Variants in FLII observed in about 807,000 individuals in gnomAD.
FLII encodes the protein protein flightless-1 homolog.
Under a neutral mutation model 156.2 loss-of-function variants are expected in FLII, and 101 were observed. The ratio of observed to expected loss-of-function variants is 0.65; its 90% CI spans 0.55 to 0.76. The LOEUF (loss-of-function observed/expected upper bound fraction) is 0.76, where lower values mean the gene tolerates loss of function less well. Ranked by LOEUF, FLII falls within the 30% of genes least tolerant of loss-of-function variation. The pLI, the probability that FLII is intolerant of heterozygous loss-of-function variation, is 0.00. For synonymous variants in FLII, 767 were observed against 685.8 expected, an observed-to-expected ratio of 1.12 and a Z score of -1.85; for missense variants, 1,675 against 1,682.8, an observed-to-expected ratio of 1.00 and a Z score of 0.08.
At chr17:18,253,507 C>G (rs747180526) in intron 8 of FLII, 37 bp downstream of exon 8, 6 of 1,613,132 alleles carry the variant, frequency 3.7e-6, no homozygotes, top group Non-Finnish European at 5.1e-6. Flanking sequence ...GGCTCACGGC[C>G]TTCCTCCCAT....
rs1441073305 is a variant in FLII, at chr17:18,247,213, T to C, written c.2632A>G (p.Thr878Ala). The C allele has an allele frequency of 1.9e-6, 3 of 1,575,440 alleles. No individual in the cohort carries two copies. The Admixed American group carries it at 5.3e-5, about 28-fold the overall frequency. The change falls in exon 21 of 30, where the codon ACT (threonine) becomes GCT (alanine). Residue 878 changes from threonine to alanine, a missense_variant. Thr to Ala is a moderately conservative substitution (Grantham distance 58). Transcript: ENST00000327031. ...GGCTGCCGCGGCAGGAAAAGCGCAG[T>C]GAGGTCAGCCTTCATCTGGTCTTTC... ...EKKDQMKADL[T>A]ALFLPRQPPM...
rs1252014461 is a variant in FLII, at chr17:18,251,293, T to C, written c.1568A>G (p.Tyr523Cys). 9 of 1,613,896 alleles carry C rather than the reference T, an allele frequency of 5.6e-6. No homozygotes were observed. Among genetic ancestry groups the C allele is most frequent in the Non-Finnish European group, 7.6e-6 (9 of 1,180,036 alleles). ...GAGCACAATGTAGCAGTCAGCCTCG[T>C]AGAACTTGCCGTGGAAGGCTTCCTC... ...LVEEAFHGKFYEADCYIVLKT... is the reference protein window; with the variant it reads ...LVEEAFHGKFCEADCYIVLKT... Residue 523 changes from tyrosine to cysteine, a missense_variant, in exon 13 of 30, where the codon TAC becomes TGC. By Grantham distance (194) the Tyr-to-Cys change is radical (BLOSUM62 -2). Coordinates refer to ENST00000327031, the MANE Select transcript of FLII (RefSeq NM_002018.4).
intron 9 of FLII, 73 bp downstream of exon 9, chr17:18,253,228 G>T: frequency 6.7e-7 from 1 of 1,501,140 alleles, no homozygotes; most frequent in Non-Finnish European, 9.2e-7. Flanking sequence ...CAGACCACAA[G>T]GTGGGCTCTG....
rs1380529072 is a variant in FLII at position 18,251,016 on chromosome 17, G to C, written c.1598C>G (p.Thr533Ser). Residue 533 changes from threonine to serine, a missense_variant and splice_region_variant, in exon 14 of 30, where the codon ACC becomes AGC. Coordinates refer to ENST00000327031, the MANE Select transcript of FLII (RefSeq NM_002018.4). ...YEADCYIVLK[T>S]FLDDSGSLNW... The stretch of plus-strand genomic sequence containing the variant: ...GAGGGAGCCGCTGTCATCCAGAAAG[G>C]TCTGGAAGCCAAGGCACCGGCCACA... 3 of 1,612,582 alleles carry C rather than the reference G, an allele frequency of 1.9e-6. No individual in the cohort carries two copies. Among genetic ancestry groups the C allele is most frequent in the Non-Finnish European group, 2.5e-6 (3 of 1,179,356 alleles).
chr17:18,252,182 T>G, intron 10 of FLII, 36 bp from the exon 11 acceptor site: 1 of 1,578,456 alleles, frequency 6.3e-7, no homozygotes, highest in Non-Finnish European at 8.7e-7. Context: ...GCACTGAGCC[T>G]GGGTCCTACC....
intron 3 of FLII, 24 bp from the exon 4 acceptor site, chr17:18,255,287 A>C: frequency 6.3e-7 from 1 of 1,596,132 alleles, no homozygotes; most frequent in South Asian, 1.1e-5. Flanking sequence ...ATAAGAGTCT[A>C]TAATTCCTGG....
At chr17:18,249,732 G>C (rs1206448999) in intron 14 of FLII, among the ~76,000 whole-genome samples, 1 of 152,050 alleles carries the variant, frequency 6.6e-6, no homozygotes, top group Non-Finnish European at 1.5e-5. Flanking sequence ...GGAGGTTGCA[G>C]TGAGCTGAGA....
Position 18,249,165 on chromosome 17 carries a change from C to T in FLII, c.1896G>A (p.Leu632=). The part of the protein sequence containing the change: ...YRVYGKKNIK[L]EPVPLKGTSL... ...AGGTCCCCTTGAGGGGCACAGGCTC[C>T]AACTTGATGTTCTTTTTCCCATACA... The change falls in exon 16 of 30, where the codon TTG becomes TTA. Residue 632 remains leucine, a synonymous_variant. Transcript: ENST00000327031. 5 of 1,614,182 alleles carry T rather than the reference C, an allele frequency of 3.1e-6. No individual in the cohort carries two copies. Among genetic ancestry groups the T allele is most frequent in the Non-Finnish European group, 4.2e-6 (5 of 1,180,034 alleles).
At position 18,251,789 on chromosome 17, in the gene FLII, G is replaced by A. The variant is rs774936022; in HGVS notation, c.1274C>T (p.Ala425Val). 2.5e-6 allele frequency: 4 copies of A among 1,613,854 alleles called. No homozygotes were observed. The Admixed American group carries it at 6.7e-5, about 27-fold the overall frequency. ...GCGCCTCCGCAGTCGCATCTTGCGAGCCATAGGGTCCTTGGGCCCACTCCC... is the reference window on the plus strand; with the variant it reads ...GCGCCTCCGCAGTCGCATCTTGCGAACCATAGGGTCCTTGGGCCCACTCCC... Reference protein sequence around the residue: ...AAGSGPKDPMARKMRLRRRKD... With the variant: ...AAGSGPKDPMVRKMRLRRRKD... The change falls in exon 12 of 30, where the codon GCT becomes GTT. Residue 425 changes from alanine to valine, a missense_variant. Physicochemically the swap from Ala to Val is moderately conservative, Grantham distance 64. Around this residue, in one of 2 missense-constraint regions of FLII, gnomAD observed 1,332 missense variants for 1,269.3 expected, o/e 1.05. Coordinates refer to ENST00000327031, the MANE Select transcript of FLII (RefSeq NM_002018.4).
chr17:18,256,553 C>A lies in FLII; in HGVS notation c.219G>T (p.Gly73=), dbSNP rs1279609407. ...GCAGCGATGGCAGGCTGGACAGCTC[C>A]CCATGAAGCGTGGTCAGGTTGTTGT... The part of the protein sequence containing the change: ...VSHNNLTTLH[G]ELSSLPSLRA... Residue 73 remains glycine (G), a synonymous_variant, in exon 3 of 30, where the codon GGG becomes GGT. Coordinates refer to ENST00000327031, the MANE Select transcript of FLII (RefSeq NM_002018.4). 3 of 1,551,582 alleles carry A rather than the reference C, an allele frequency of 1.9e-6. No homozygotes were observed. The highest frequency in any genetic ancestry group is 2.6e-6 in the Non-Finnish European group (3 of 1,147,034).
In FLII at chr17:18,258,679, G is replaced by A. The variant is rs763638884; in HGVS notation, c.12C>T (p.Thr4=). The change falls in exon 1 of 30, where the codon ACC becomes ACT. Residue 4 remains threonine, a synonymous_variant. Transcript: ENST00000327031. The surrounding 1 kb of genome is among the most constrained non-coding windows in gnomAD (Gnocchi z 4.2). MEA[T]GVLPFVRGVD... ...CGCCACGCACGAACGGCAGCACCCC[G>A]GTGGCCTCCATGGCGCCGCTCTCGC... is the stretch of plus-strand genomic sequence containing the variant. 9.2e-6 allele frequency: 14 copies of A among 1,525,198 alleles called. No individual in the cohort carries two copies. The highest frequency in any genetic ancestry group is 7.8e-5 in the Admixed American group (4 of 51,114). 94.5% of individuals were successfully genotyped at this position (1,525,198 alleles called of 1,614,324 possible).
At position 18,251,298 on chromosome 17, in the gene FLII, C is replaced by T; in HGVS notation, c.1563G>A (p.Lys521=). The T allele has an allele frequency of 6.2e-7, 1 of 1,614,038 alleles. No individual in the cohort carries two copies. ...PVLVEEAFHG[K]FYEADCYIVL... ...CAATGTAGCAGTCAGCCTCGTAGAA[C>T]TTGCCGTGGAAGGCTTCCTCCACCA... The change falls in exon 13 of 30, where the codon AAG becomes AAA. Residue 521 remains lysine (K), a synonymous_variant. Transcript: ENST00000327031.
chr17:18,249,298 A>G (rs1425085418), intron 15 of FLII, 28 bp downstream of exon 15: 1 of 1,610,642 alleles, frequency 6.2e-7, no homozygotes, highest in South Asian at 1.1e-5. Context: ...CTCCAGGTCC[A>G]TACCCCCCAC....
At position 18,246,406 on chromosome 17, in the gene FLII, C is replaced by T. The variant is rs1440753856; in HGVS notation, c.3108G>A (p.Arg1036=). ...TCTTGCCCCGGTGGATGATGAACTT[C>T]CTCTTGAAATGGGACAGGAACTTGG... ...ENPKFLSHFK[R]KFIIHRGKRK... Residue 1036 remains arginine (R), a synonymous_variant, in exon 24 of 30, where the codon AGG becomes AGA. Coordinates refer to ENST00000327031, the MANE Select transcript of FLII (RefSeq NM_002018.4). 1.2e-6 allele frequency: 2 copies of T among 1,613,936 alleles called. No individual in the cohort carries two copies. Among genetic ancestry groups the T allele is most frequent in the African/African-American group, 2.7e-5 (2 of 74,922 alleles).
chr17:18,247,867 G>A lies in FLII; in HGVS notation c.2296-19C>T, dbSNP rs1401802234. The A allele has an allele frequency of 6.2e-7, 1 of 1,613,840 alleles. No individual in the cohort carries two copies. The highest frequency in any genetic ancestry group is 8.5e-7 in the Non-Finnish European group (1 of 1,179,932). ...TCTGCAGCTGCGGACCGGGAGTCTGGAGGTCAAAGCCCAGCCAACGGGGAG... is the reference window on the plus strand; with the variant it reads ...TCTGCAGCTGCGGACCGGGAGTCTGAAGGTCAAAGCCCAGCCAACGGGGAG... On this transcript the variant is annotated intron_variant, in intron 19 of 29. Coordinates refer to ENST00000327031, the MANE Select transcript of FLII (RefSeq NM_002018.4).
rs775583143 is a variant in FLII at position 18,251,344 on chromosome 17, A to G, written c.1517T>C (p.Ile506Thr). ...GQLPGLTIWQ[I>T]ENFVPVLVEE... ...CACCAGCACAGGCACGAAGTTCTCTATCTGCCAGATGGTCAGTCCGGGCAG... is the reference window on the plus strand; with the variant it reads ...CACCAGCACAGGCACGAAGTTCTCTGTCTGCCAGATGGTCAGTCCGGGCAG... The change falls in exon 13 of 30, where the codon ATA (isoleucine) becomes ACA (threonine). Residue 506 changes from isoleucine (I) to threonine (T), a missense_variant. Around this residue, in one of 2 missense-constraint regions of FLII, gnomAD observed 1,332 missense variants for 1,269.3 expected, o/e 1.05. Coordinates refer to ENST00000327031, the MANE Select transcript of FLII (RefSeq NM_002018.4). The G allele has an allele frequency of 1.2e-6, 2 of 1,613,768 alleles. No individual in the cohort carries two copies. The highest frequency in any genetic ancestry group is 2.2e-5 in the South Asian group (2 of 91,092).
At position 18,248,684 on chromosome 17, in the gene FLII, C is replaced by T; in HGVS notation, c.2056G>A (p.Gly686Arg). 1 of 1,613,960 alleles carries T rather than the reference C, an allele frequency of 6.2e-7. No homozygotes were observed. ...ACCAGCAGTGTGATCTCAGCCTTCCCTTTCCGCTCATTCTTGTTAATTTTC... is the reference window on the plus strand; with the variant it reads ...ACCAGCAGTGTGATCTCAGCCTTCCTTTTCCGCTCATTCTTGTTAATTTTC... ...AEKINKNERK[G>R]KAEITLLVQG... is the part of the protein sequence containing the mutation. Residue 686 changes from glycine to arginine, a missense_variant, in exon 18 of 30, where the codon GGG (glycine) becomes AGG (arginine). Transcript: ENST00000327031.
intron 9 of FLII, 91 bp from the exon 10 acceptor site, chr17:18,252,647 G>A (rs1412657846): frequency 5.8e-6 from 6 of 1,028,878 alleles, no homozygotes; most frequent in South Asian, 1.3e-5. Flanking sequence ...GGGGAGGCAG[G>A]TAGGGTCAGA....
Position 18,251,792 on chromosome 17 carries a change from A to C in FLII, c.1271T>G (p.Met424Arg). ...AAAGSGPKDP[M>R]ARKMRLRRRK... ...CCTCCGCAGTCGCATCTTGCGAGCC[A>C]TAGGGTCCTTGGGCCCACTCCCTGC... The change falls in exon 12 of 30, where the codon ATG (methionine) becomes AGG (arginine). Residue 424 changes from methionine to arginine, a missense_variant. Met to Arg is a moderately conservative substitution (Grantham distance 91). Transcript: ENST00000327031. 1 of 1,613,860 alleles carries C rather than the reference A, an allele frequency of 6.2e-7. No homozygotes were observed. The highest frequency in any genetic ancestry group is 8.5e-7 in the Non-Finnish European group (1 of 1,180,024).
Sources: allele counts gnomAD v4.1 joint callset (sites outside exome capture counted in the v4.1 genomes callset), GRCh38; gene constraint gnomAD v4.1.1; regional missense constraint gnomAD v4.1.1; non-coding constraint Gnocchi (gnomAD v3.1); transcripts MANE v1.5; gene names NCBI Gene and HGNC (gene_info 2026-07-23, HGNC 2026-07-21).